FAM135A: variants seen among roughly 807,000 people sequenced by gnomAD.
The protein encoded by FAM135A is protein FAM135A.
A neutral mutation model predicts 146.8 loss-of-function variants in FAM135A; 79 were observed. That is an observed-to-expected ratio of 0.54 (90% CI 0.45 to 0.65). The LOEUF (loss-of-function observed/expected upper bound fraction) is 0.65. FAM135A is among the 30% of genes least tolerant of loss of function. The pLI, the probability that FAM135A is intolerant of heterozygous loss-of-function variation, is 0.00. For synonymous variants in FAM135A, 562 were observed against 603.6 expected, an observed-to-expected ratio of 0.93 and a Z score of 1.01; for missense variants, 1,623 against 1,758.2, an observed-to-expected ratio of 0.92 and a Z score of 1.38.
At chr6:70,428,532 C>A in intron 4 of FAM135A, 113 bp downstream of exon 4, 1 of 571,694 alleles carries the variant, frequency 1.7e-6, no homozygotes, top group South Asian at 4.2e-5. Flanking sequence ...GAACTATATT[C>A]AAGTAATTAT....
intron 4 of FAM135A, among the ~76,000 whole-genome samples, chr6:70,442,813 A>G (rs1357890697): frequency 2.0e-5 from 3 of 152,210 alleles, no homozygotes; most frequent in African/African-American, 4.8e-5. Flanking sequence ...TTTAGATTAA[A>G]CCACCAAATT....
chr6:70,498,354 T>C (rs1787780017), intron 11 of FAM135A, among the ~76,000 whole-genome samples: 1 of 152,186 alleles, frequency 6.6e-6, no homozygotes, highest in South Asian at 2.1e-4. Context: ...GTCTATTTGA[T>C]TCTTCTCTCT....
intron 4 of FAM135A, among the ~76,000 whole-genome samples, chr6:70,433,939 C>T (rs1427444059): frequency 6.6e-6 from 1 of 150,760 alleles, no homozygotes; most frequent in Non-Finnish European, 1.5e-5. Context: ...TAAAGAAAAA[C>T]TAGTTTTATT....
At chr6:70,419,859 T>TTC (rs1045669645) in intron 2 of FAM135A, among the ~76,000 whole-genome samples, 87 of 152,318 alleles carry the variant, frequency 5.7e-4, no homozygotes, top group African/African-American at 1.8e-3. Flanking sequence ...TTCTCTGGTG[T>TTC]TCAGGTGAAG....
intron 7 of FAM135A, among the ~76,000 whole-genome samples, 160 bp downstream of exon 7, chr6:70,475,893 A>G (rs1376268840): frequency 6.6e-6 from 1 of 152,170 alleles, no homozygotes; most frequent in Non-Finnish European, 1.5e-5. Flanking sequence ...GGCCAGCTCT[A>G]TTGTGCCCAT....
At chr6:70,527,232 T>C (rs1794932125) in intron 15 of FAM135A, among the ~76,000 whole-genome samples, 1 of 152,038 alleles carries the variant, frequency 6.6e-6, no homozygotes, top group African/African-American at 2.4e-5. Context: ...AGAATTGAGA[T>C]TTCATGTACC....
At chr6:70,518,188 G>C (rs1383018288) in intron 12 of FAM135A, among the ~76,000 whole-genome samples, 2 of 152,200 alleles carry the variant, frequency 1.3e-5, no homozygotes, top group African/African-American at 2.4e-5. Context: ...CCTTAGTAGT[G>C]ATGTGGGAAA....
chr6:70,443,480 T>C (rs993467920), intron 4 of FAM135A, among the ~76,000 whole-genome samples: 4 of 152,260 alleles, frequency 2.6e-5, no homozygotes, highest in African/African-American at 9.6e-5. Context: ...GTGTGTAGTA[T>C]AACCAGCAGG....
At chr6:70,487,540 A>G (rs1784929024) in intron 10 of FAM135A, among the ~76,000 whole-genome samples, 3 of 152,202 alleles carry the variant, frequency 2.0e-5, no homozygotes, top group Non-Finnish European at 4.4e-5. Context: ...GGTGAAAACT[A>G]ACTCAGAAAT....
intron 4 of FAM135A, among the ~76,000 whole-genome samples, chr6:70,428,724 A>AT (rs2127774504): frequency 6.6e-6 from 1 of 152,324 alleles, no homozygotes; most frequent in South Asian, 2.1e-4. Context: ...ATGGGAAAAA[A>AT]TAAGACATGC....
At chr6:70,472,919 A>C (rs1050378728) in intron 5 of FAM135A, among the ~76,000 whole-genome samples, 2 of 152,212 alleles carry the variant, frequency 1.3e-5, no homozygotes, top group African/African-American at 4.8e-5. Flanking sequence ...AATTCCTAAT[A>C]ATGTTAACTT....
At chr6:70,421,191 C>CT (rs1480610651) in intron 2 of FAM135A, among the ~76,000 whole-genome samples, 2 of 151,804 alleles carry the variant, frequency 1.3e-5, no homozygotes, top group Non-Finnish European at 2.9e-5. Context: ...GCCCACACTA[C>CT]TTTTTTTTAG....
At position 70,511,944 on chromosome 6, in the gene FAM135A, T is replaced by C. The variant is rs1356348286; in HGVS notation, c.1029+9153T>C. 2.6e-5 allele frequency among the ~76,000 whole-genome samples: 4 copies of C among 151,958 alleles called. No individual in the cohort carries two copies. In the East Asian group the frequency reaches 7.7e-4, roughly 29 times the overall value. On this transcript the variant is annotated intron_variant, in intron 12 of 21. Transcript: ENST00000418814. ...AAGGTACAGTAAAAATATGGCATTGTAATTTTAGGGGAGACCATCCTATAC... is the reference window on the plus strand; with the variant it reads ...AAGGTACAGTAAAAATATGGCATTGCAATTTTAGGGGAGACCATCCTATAC...
At chr6:70,510,304 T>C (rs12527634) in intron 12 of FAM135A, among the ~76,000 whole-genome samples, 30,586 of 151,852 alleles carry the variant, frequency 0.2, 3,380 homozygotes, top group African/African-American at 0.29. Context: ...TTTTATGTAA[T>C]GCAAATTAAC....
At chr6:70,521,077 T>C (rs1346226878) in intron 12 of FAM135A, among the ~76,000 whole-genome samples, 1 of 152,234 alleles carries the variant, frequency 6.6e-6, no homozygotes, top group African/African-American at 2.4e-5. Context: ...GAAGATAATA[T>C]CATCCTAGAG....
At chr6:70,453,984 C>A (rs746740534) in intron 5 of FAM135A, among the ~76,000 whole-genome samples, 10 of 152,208 alleles carry the variant, frequency 6.6e-5, no homozygotes, top group Non-Finnish European at 1.5e-4. Context: ...TGAGGAATCA[C>A]CACAGTGTCT....
chr6:70,448,170 G>C (rs577465824), intron 4 of FAM135A, among the ~76,000 whole-genome samples: 5 of 152,216 alleles, frequency 3.3e-5, no homozygotes, highest in African/African-American at 1.2e-4. Flanking sequence ...TTTTCGCCCA[G>C]TGTCCTCTGG....
intron 5 of FAM135A, among the ~76,000 whole-genome samples, chr6:70,470,945 GAAAC>G (rs1781511652): frequency 1.3e-5 from 2 of 152,136 alleles, no homozygotes; most frequent in African/African-American, 4.8e-5. Flanking sequence ...CATGAAATAA[GAAAC>G]AAATTTATCA....
intron 20 of FAM135A, among the ~76,000 whole-genome samples, chr6:70,553,705 C>A (rs1275418500): frequency 6.8e-6 from 1 of 147,504 alleles, no homozygotes; most frequent in Non-Finnish European, 1.5e-5. Context: ...TAAAAAGAAG[C>A]AGATATAAAT....
Sources: allele counts gnomAD v4.1 joint callset (sites outside exome capture counted in the v4.1 genomes callset), GRCh38; gene constraint gnomAD v4.1.1; transcripts MANE v1.5; gene names NCBI Gene and HGNC (gene_info 2026-07-23, HGNC 2026-07-21).